The following SGCZ variants were observed in gnomAD, a reference collection of about 807,000 sequenced individuals.
SGCZ encodes zeta-sarcoglycan.
SGCZ carries 40 observed loss-of-function variants against 41.3 expected under a neutral mutation model. That is an observed-to-expected ratio of 0.97 (90% CI 0.75 to 1.26). The LOEUF (loss-of-function observed/expected upper bound fraction) is 1.26. Among genes scored for constraint, SGCZ ranks in the 50% most tolerant of loss-of-function variants. The pLI is 0.00. For missense variants in SGCZ, 552 were observed against 369.8 expected (o/e 1.49, Z -4.04); for synonymous variants, 206 against 137.5 (o/e 1.50, Z -3.49).
intron 2 of SGCZ, among the ~76,000 whole-genome samples, chr8:14,411,844 A>G (rs936527734): frequency 2.6e-5 from 4 of 152,100 alleles, no homozygotes; most frequent in African/African-American, 4.8e-5. Flanking sequence ...ACAGTAAAAA[A>G]CACTTCCAAA....
chr8:14,100,949 C>G (rs1369202079), intron 7 of SGCZ, among the ~76,000 whole-genome samples: 2 of 151,610 alleles, frequency 1.3e-5, no homozygotes, highest in South Asian at 2.1e-4. Context: ...AAATAAAACA[C>G]CTAGGGAATG....
At chr8:14,159,297 G>C (rs1206804210) in intron 5 of SGCZ, among the ~76,000 whole-genome samples, 5 of 152,002 alleles carry the variant, frequency 3.3e-5, no homozygotes, top group African/African-American at 1.2e-4. Flanking sequence ...TTTTATGACT[G>C]TTCTCCCATT....
At chr8:14,879,161 T>TAAA (rs988704061) in intron 1 of SGCZ, 1 of 151,882 alleles carries the variant, frequency 6.6e-6, no homozygotes, top group Non-Finnish European at 1.5e-5. Context: ...CCCCATCTCT[T>TAAA]AAAAAAAATT....
chr8:14,341,712 C>G (rs938054291), intron 2 of SGCZ, among the ~76,000 whole-genome samples: 6 of 152,112 alleles, frequency 3.9e-5, no homozygotes, highest in Non-Finnish European at 7.3e-5. Context: ...CCAGTCATTC[C>G]TGTGCTATTC....
In SGCZ at chr8:14,661,493, C is replaced by G. The variant is rs187013166; in HGVS notation, c.40-106567G>C. 1.1e-3 allele frequency among the ~76,000 whole-genome samples: 160 copies of G among 152,284 alleles called. 1 individual carries two copies. The highest frequency in any genetic ancestry group is 3.5e-3 in the African/African-American group (146 of 41,564). The stretch of plus-strand genomic sequence containing the variant: ...GCAATATCTACAATTTAGAAATCCT[C>G]TTTTCAAATACAGCACCAATCAAAC... On this transcript the variant is annotated intron_variant, in intron 1 of 7. Transcript: ENST00000382080.
intron 5 of SGCZ, among the ~76,000 whole-genome samples, chr8:14,110,640 T>A (rs1421151599): frequency 3.3e-5 from 5 of 152,194 alleles, no homozygotes; most frequent in African/African-American, 7.2e-5. Context: ...CTCTCCCTGT[T>A]TTTGTCCTGA....
At chr8:15,172,189 T>A (rs268393) in intron 1 of SGCZ, among the ~76,000 whole-genome samples, 58,729 of 108,522 alleles carry the variant, frequency 0.54, 15,275 homozygotes, top group Non-Finnish European at 0.58. Flanking sequence ...TGAGACGGAG[T>A]TTCGCTCTGT....
At chr8:14,926,091 G>C (rs1361997141) in intron 1 of SGCZ, among the ~76,000 whole-genome samples, 2 of 152,174 alleles carry the variant, frequency 1.3e-5, no homozygotes, top group Non-Finnish European at 2.9e-5. Context: ...TAATGTATAG[G>C]ACAATCCCTA....
At chr8:14,694,453 G>A (rs1488242755) in intron 1 of SGCZ, among the ~76,000 whole-genome samples, 1 of 152,094 alleles carries the variant, frequency 6.6e-6, no homozygotes, top group East Asian at 1.9e-4. Flanking sequence ...TATTATAGTT[G>A]TCAAGAACCA....
At chr8:14,624,039 C>T (rs1051673764) in intron 1 of SGCZ, among the ~76,000 whole-genome samples, 11 of 152,276 alleles carry the variant, frequency 7.2e-5, no homozygotes, top group South Asian at 4.1e-4. Context: ...ATAAAACACA[C>T]TTTTATTTGC....
intron 5 of SGCZ, among the ~76,000 whole-genome samples, chr8:14,143,724 G>C (rs1369771486): frequency 2.0e-5 from 3 of 152,102 alleles, no homozygotes; most frequent in Non-Finnish European, 4.4e-5. Context: ...GGCTGAAAGA[G>C]GCATGAAGAG....
chr8:15,153,609 T>A (rs1468380234), intron 1 of SGCZ, among the ~76,000 whole-genome samples: 1 of 151,972 alleles, frequency 6.6e-6, no homozygotes, highest in African/African-American at 2.4e-5. Flanking sequence ...CCTCGGTGGT[T>A]AAGTGAGCTC....
At chr8:14,114,548 T>TA (rs1361519560) in intron 5 of SGCZ, among the ~76,000 whole-genome samples, 4 of 151,954 alleles carry the variant, frequency 2.6e-5, no homozygotes, top group Admixed American at 6.6e-5. Context: ...TTTCATCATT[T>TA]AAAAAAATAT....
chr8:14,561,346 C>G (rs1433476876), intron 1 of SGCZ, among the ~76,000 whole-genome samples: 1 of 152,120 alleles, frequency 6.6e-6, no homozygotes, highest in Admixed American at 6.5e-5. Flanking sequence ...GCTGCAATTG[C>G]AGAGGTACTG....
In SGCZ at chr8:14,945,650, G is replaced by GGGGGGAGA. The variant is rs2130826978; in HGVS notation, c.39+291927_39+291934dup. Among the ~76,000 whole-genome samples, 2 of 150,624 alleles carry GGGGGGAGA rather than the reference G, an allele frequency of 1.3e-5. 1 individual carries two copies. The highest frequency in any genetic ancestry group is 4.2e-4 in the South Asian group (2 of 4,744). On this transcript the variant is annotated intron_variant, in intron 1 of 7. Coordinates refer to ENST00000382080, the MANE Select transcript of SGCZ (RefSeq NM_139167.4). Reference sequence around the variant, plus strand: ...ATTGGCATGTGAGTTGCCAGACTGAGGGGGGAGATCTACAATCAATGTGGG... The same window carrying GGGGGGAGA: ...ATTGGCATGTGAGTTGCCAGACTGAGGGGGGAGAGGGGGAGATCTACAATCAATGTGGG...
intron 1 of SGCZ, among the ~76,000 whole-genome samples, chr8:15,231,821 C>T (rs866342160): frequency 2.6e-5 from 4 of 151,870 alleles, no homozygotes; most frequent in East Asian, 1.9e-4. Context: ...AGGGTTTCAC[C>T]GTGTTGGCCA....
chr8:14,512,791 T>G (rs933385774), intron 2 of SGCZ, among the ~76,000 whole-genome samples: 1 of 151,724 alleles, frequency 6.6e-6, no homozygotes, highest in Non-Finnish European at 1.5e-5. Flanking sequence ...ATATTTAGAG[T>G]TTTAGAATTT....
intron 5 of SGCZ, among the ~76,000 whole-genome samples, chr8:14,117,816 T>C (rs1183762397): frequency 6.6e-6 from 1 of 151,464 alleles, no homozygotes; most frequent in African/African-American, 2.4e-5. Flanking sequence ...TTCCCACTTA[T>C]GAGTGAGAAC....
At chr8:14,333,229 T>G (rs533352956) in intron 2 of SGCZ, among the ~76,000 whole-genome samples, 151 of 152,150 alleles carry the variant, frequency 9.9e-4, no homozygotes, top group Admixed American at 2.8e-3. Flanking sequence ...AGAGACTTGC[T>G]GTAAAAGAAT....
Sources: gnomAD v4.1 joint callset for allele counts (sites outside exome capture counted in the v4.1 genomes callset) on GRCh38, gnomAD v4.1.1 for gene constraint, MANE v1.5 for transcripts, NCBI Gene and HGNC (gene_info 2026-07-23, HGNC 2026-07-21) for gene names.